CCDC148: variants seen among roughly 807,000 people sequenced by gnomAD.
CCDC148 encodes coiled-coil domain containing 148.
In CCDC148, 89 loss-of-function variants were observed where a neutral mutation model predicts 85.7. That is an observed-to-expected ratio of 1.04 (90% CI 0.87 to 1.24). The LOEUF (loss-of-function observed/expected upper bound fraction) is 1.24, where lower values mean the gene tolerates loss of function less well. Among genes scored for constraint, CCDC148 ranks in the 50% most tolerant of loss-of-function variants. The pLI, the probability that CCDC148 is intolerant of heterozygous loss-of-function variation, is 0.00. For missense variants in CCDC148, 692 were observed against 671.7 expected, an observed-to-expected ratio of 1.03 and a Z score of -0.33; for synonymous variants, 230 against 213.9, an observed-to-expected ratio of 1.08 and a Z score of -0.66.
At chr2:158,191,949 A>T (rs1685444138) in intron 11 of CCDC148, among the ~76,000 whole-genome samples, 1 of 152,022 alleles carries the variant, frequency 6.6e-6, no homozygotes, top group African/African-American at 2.4e-5. Flanking sequence ...TTCAGGTGAG[A>T]TGCCAAAGGT....
At chr2:158,405,743 T>A (rs919876120) in intron 1 of CCDC148, among the ~76,000 whole-genome samples, 29 of 152,186 alleles carry the variant, frequency 1.9e-4, no homozygotes, top group African/African-American at 6.0e-4. Flanking sequence ...CTAATTTACA[T>A]GTTTCATATT....
chr2:158,334,811 T>C (rs1409824533), intron 7 of CCDC148, among the ~76,000 whole-genome samples: 1 of 152,028 alleles, frequency 6.6e-6, no homozygotes, highest in Non-Finnish European at 1.5e-5. Context: ...TTAAAAAATA[T>C]ATATATTTAT....
chr2:158,284,425 G>A (rs1690516418), intron 9 of CCDC148, among the ~76,000 whole-genome samples: 1 of 152,184 alleles, frequency 6.6e-6, no homozygotes, highest in South Asian at 2.1e-4. Flanking sequence ...AGGAACGAAT[G>A]TGACAAGTGA....
chr2:158,414,132 T>C (rs1332647388), intron 1 of CCDC148, among the ~76,000 whole-genome samples: 4 of 152,220 alleles, frequency 2.6e-5, no homozygotes, highest in African/African-American at 7.2e-5. Context: ...AATCCACTTC[T>C]ATGTAAAATC....
At chr2:158,296,485 G>T (rs1691194590) in intron 9 of CCDC148, among the ~76,000 whole-genome samples, 1 of 151,912 alleles carries the variant, frequency 6.6e-6, no homozygotes, top group South Asian at 2.1e-4. Flanking sequence ...AAGAATATTG[G>T]CTTTCCAACT....
At chr2:158,424,308 G>C (rs1686963387) in intron 1 of CCDC148, among the ~76,000 whole-genome samples, 1 of 152,076 alleles carries the variant, frequency 6.6e-6, no homozygotes. Context: ...AAAAGACTTG[G>C]AACCAACCCA....
intron 10 of CCDC148, among the ~76,000 whole-genome samples, chr2:158,226,916 C>T (rs1687570752): frequency 1.3e-5 from 2 of 152,186 alleles, no homozygotes; most frequent in Admixed American, 6.5e-5. Flanking sequence ...TGCCCTCTCT[C>T]ACCACTCCTA....
chr2:158,438,425 T>C (rs1687771469), intron 1 of CCDC148, among the ~76,000 whole-genome samples: 1 of 152,188 alleles, frequency 6.6e-6, no homozygotes, highest in Non-Finnish European at 1.5e-5. Flanking sequence ...TAGCCATATG[T>C]AGAAAGCTGA....
At chr2:158,287,683 G>C (rs1275886355) in intron 9 of CCDC148, among the ~76,000 whole-genome samples, 2 of 152,194 alleles carry the variant, frequency 1.3e-5, no homozygotes, top group African/African-American at 2.4e-5. Flanking sequence ...GCAAGGTACA[G>C]CCTCCTTCCG....
At chr2:158,336,917 A>C (rs1032490232) in intron 7 of CCDC148, among the ~76,000 whole-genome samples, 8 of 152,182 alleles carry the variant, frequency 5.3e-5, no homozygotes, top group African/African-American at 1.9e-4. Flanking sequence ...CTCCATAGTG[A>C]ATTTTACATC....
intron 9 of CCDC148, among the ~76,000 whole-genome samples, chr2:158,304,974 G>C (rs1351727166): frequency 1.3e-5 from 2 of 152,166 alleles, no homozygotes; most frequent in African/African-American, 4.8e-5. Flanking sequence ...ACCTGTGGAA[G>C]CTACAAACAC....
At chr2:158,216,291 TTTTATTTAAAA>T (rs1686851360) in intron 11 of CCDC148, among the ~76,000 whole-genome samples, 1 of 152,024 alleles carries the variant, frequency 6.6e-6, no homozygotes, top group Non-Finnish European at 1.5e-5. Context: ...TTTTTACATG[TTTTATTTAAAA>T]TATTTTTAAA....
chr2:158,212,112 T>C (rs1034666668), intron 11 of CCDC148, among the ~76,000 whole-genome samples: 25 of 152,116 alleles, frequency 1.6e-4, no homozygotes, highest in Admixed American at 1.6e-3. Flanking sequence ...CTAATATACA[T>C]ATAAAATACA....
intron 10 of CCDC148, among the ~76,000 whole-genome samples, chr2:158,248,132 G>A (rs980751415): frequency 6.6e-6 from 1 of 151,798 alleles, no homozygotes; most frequent in African/African-American, 2.4e-5. Flanking sequence ...TAGCATGATA[G>A]TGTTCATGAA....
chr2:158,401,125 T>C (rs890054996), intron 1 of CCDC148, among the ~76,000 whole-genome samples: 9 of 152,182 alleles, frequency 5.9e-5, no homozygotes, highest in African/African-American at 2.2e-4. Context: ...AATTCAACCA[T>C]TGTGGAAGAC....
intron 1 of CCDC148, among the ~76,000 whole-genome samples, chr2:158,429,463 T>C (rs973132706): frequency 1.3e-5 from 2 of 152,036 alleles, no homozygotes; most frequent in Non-Finnish European, 2.9e-5. Context: ...TAAAGGATGA[T>C]GAGCTAAAAA....
chr2:158,268,153 C>T (rs75231345), intron 9 of CCDC148, among the ~76,000 whole-genome samples: 2,853 of 152,264 alleles, frequency 0.019, 56 homozygotes, highest in Middle Eastern at 0.048. Flanking sequence ...TTATAAAAAA[C>T]TGCCAAACTG....
At chr2:158,174,240 C>T (rs1246373017) in intron 13 of CCDC148, among the ~76,000 whole-genome samples, 4 of 152,006 alleles carry the variant, frequency 2.6e-5, no homozygotes, top group South Asian at 2.1e-4. Flanking sequence ...GGCATAAAGA[C>T]GTAAATAGCT....
intron 2 of CCDC148, among the ~76,000 whole-genome samples, chr2:158,348,573 G>A (rs1683108151): frequency 6.6e-6 from 1 of 151,852 alleles, no homozygotes; most frequent in South Asian, 2.1e-4. Context: ...TTTTAGACAT[G>A]GTAATAGTAT....
Sources: gnomAD v4.1 joint callset for allele counts (sites outside exome capture counted in the v4.1 genomes callset) on GRCh38, gnomAD v4.1.1 for gene constraint, MANE v1.5 for transcripts, NCBI Gene and HGNC (gene_info 2026-07-23, HGNC 2026-07-21) for gene names.